DNAH10: variants seen among roughly 807,000 people sequenced by gnomAD.
DNAH10 encodes axonemal beta dynein heavy chain 10.
Under a neutral mutation model 506.6 loss-of-function variants are expected in DNAH10, and 348 were observed. The ratio of observed to expected loss-of-function variants is 0.69; its 90% confidence interval spans 0.63 to 0.75. DNAH10 has a LOEUF of 0.75. Ranked by LOEUF, DNAH10 falls within the 30% of genes least tolerant of loss-of-function variation. The probability of loss-of-function intolerance (pLI) is 0.00; values close to 1 mark genes in which losing one functional copy is unlikely to be tolerated. For missense variants in DNAH10, 5,179 were observed against 5,787.1 expected (o/e 0.89, Z 3.41); for synonymous variants, 2,059 against 2,198.6 (o/e 0.94, Z 1.78).
Position 123,762,476 on chromosome 12 carries a change from C to A in DNAH10, c.140C>A (p.Ala47Glu). The A allele has an allele frequency of 6.6e-7, 1 of 1,506,200 alleles. No individual in the cohort carries two copies. The allele number at this position is 1,506,200 out of a possible 1,614,324, so 93.3% of individuals were successfully genotyped here. Residue 47 changes from alanine (A) to glutamate (E), a missense_variant, in exon 1 of 79, where the codon GCG becomes GAG. By Grantham distance (107) the Ala-to-Glu change is moderately radical. Transcript: ENST00000673944. This position sits in a 1 kb window ranked among gnomAD's most constrained non-coding sequence, Gnocchi z 5.0. The part of the protein sequence containing the change: ...EDLILHFLNQ[A>E]SEEEGPSALF... ...CTCATCTTGCACTTCCTCAACCAGG[C>A]GAGCGAGGAGGAGGGGCCCTCGGCG...
intron 3 of DNAH10, among the ~76,000 whole-genome samples, chr12:123,772,596 G>C (rs1387463181): frequency 1.3e-5 from 2 of 152,194 alleles, no homozygotes; most frequent in Admixed American, 6.5e-5. Context: ...TGCCAGGTCA[G>C]TTTGTTTAGG....
chr12:123,905,689 A>G (rs1368311136), intron 57 of DNAH10, among the ~76,000 whole-genome samples: 2 of 150,482 alleles, frequency 1.3e-5, no homozygotes, highest in Non-Finnish European at 2.9e-5. Flanking sequence ...CTTTTCTGTG[A>G]ACTTGGTTTG....
chr12:123,869,538 C>T (rs567481471), intron 43 of DNAH10, among the ~76,000 whole-genome samples: 13 of 152,210 alleles, frequency 8.5e-5, no homozygotes, highest in Non-Finnish European at 1.2e-4. Context: ...CTGCCCTTTC[C>T]GCGCTCTCCG....
chr12:123,783,254 A>G lies in DNAH10; in HGVS notation c.989A>G (p.Lys330Arg), dbSNP rs1257024915. 2.5e-6 allele frequency: 4 copies of G among 1,613,998 alleles called. No individual in the cohort carries two copies. The highest frequency in any genetic ancestry group is 2.7e-5 in the African/African-American group (2 of 75,054). Reference sequence around the variant, plus strand: ...ACAGCGGTTGAGGCCCAACTGAAGAAGACACCTCAGGTAGTTTGTGCAGGG... The same window carrying G: ...ACAGCGGTTGAGGCCCAACTGAAGAGGACACCTCAGGTAGTTTGTGCAGGG... ...ISTAVEAQLK[K>R]TPQGKGPLAE... The change falls in exon 7 of 79, where the codon AAG (lysine) becomes AGG (arginine). Residue 330 changes from lysine to arginine, a missense_variant. Physicochemically the swap from Lys to Arg is conservative, Grantham distance 26 (BLOSUM62 2). This residue lies in a region of DNAH10 where 4,844 missense variants were observed against 5,430.5 expected (regional missense o/e 0.89). Transcript: ENST00000673944.
In DNAH10 at chr12:123,818,907, T is replaced by A. The variant is rs1959190479; in HGVS notation, c.3781-43T>A. 3.0e-6 allele frequency: 4 copies of A among 1,341,836 alleles called. No homozygotes were observed. The East Asian group carries it at 9.8e-5, about 33-fold the overall frequency. 83.1% of individuals were successfully genotyped at this position (1,341,836 alleles called of 1,614,324 possible). A position where few individuals can be genotyped will look rare whatever the true frequency, so the allele number is the denominator to read the frequency against. On this transcript the variant is annotated intron_variant, in intron 21 of 78. Coordinates refer to ENST00000673944, the MANE Select transcript of DNAH10 (RefSeq NM_001372106.1). The stretch of plus-strand genomic sequence containing the variant: ...ACCATCAATTTCAATTCCAAATTGC[T>A]CATCATTTGTTGTTTATTCTGTTTT...
At chr12:123,764,155 C>T (rs989199450) in intron 1 of DNAH10, among the ~76,000 whole-genome samples, 91 of 152,324 alleles carry the variant, frequency 6.0e-4, no homozygotes, top group African/African-American at 1.9e-3. Flanking sequence ...TGTGAACCAT[C>T]GCGCTTGGCC....
intron 50 of DNAH10, among the ~76,000 whole-genome samples, chr12:123,880,958 T>A (rs1418181246): frequency 6.6e-6 from 1 of 152,008 alleles, no homozygotes; most frequent in Admixed American, 6.6e-5. Flanking sequence ...GCTTCATCCA[T>A]GTCCCTACAA....
chr12:123,833,679 C>T (rs74356540), intron 27 of DNAH10, among the ~76,000 whole-genome samples: 15,386 of 152,204 alleles, frequency 0.1, 850 homozygotes, highest in Middle Eastern at 0.13. Flanking sequence ...TAGAAACATA[C>T]TTATTTTACA....
At chr12:123,821,003 A>G (rs1354462217) in intron 24 of DNAH10, among the ~76,000 whole-genome samples, 1 of 152,220 alleles carries the variant, frequency 6.6e-6, no homozygotes, top group Admixed American at 6.5e-5. Context: ...TAATCCCAGC[A>G]CTTTGGGAGG....
chr12:123,830,966 G>A (rs1347634836), intron 26 of DNAH10, among the ~76,000 whole-genome samples: 1 of 152,002 alleles, frequency 6.6e-6, no homozygotes, highest in Non-Finnish European at 1.5e-5. Flanking sequence ...AAACAAAAAA[G>A]AGAAAACATA....
intron 4 of DNAH10, among the ~76,000 whole-genome samples, chr12:123,773,173 T>C (rs1957322405): frequency 6.6e-6 from 1 of 152,254 alleles, no homozygotes; most frequent in African/African-American, 2.4e-5. Context: ...TGTCTGCACA[T>C]ATTTGGAGAA....
rs756604219 is a variant in DNAH10, at chr12:123,796,708, A to T, written c.2039A>T (p.Tyr680Phe). 1 of 1,613,984 alleles carries T rather than the reference A, an allele frequency of 6.2e-7. No individual in the cohort carries two copies. Among genetic ancestry groups the T allele is most frequent in the South Asian group, 1.1e-5 (1 of 91,004 alleles). The change falls in exon 13 of 79, where the codon TAT becomes TTT. Residue 680 changes from tyrosine to phenylalanine, a missense_variant. By Grantham distance (22) the Tyr-to-Phe change is conservative. Around this residue, in one of 3 missense-constraint regions of DNAH10, gnomAD observed 4,844 missense variants for 5,430.5 expected, o/e 0.89. Coordinates refer to ENST00000673944, the MANE Select transcript of DNAH10 (RefSeq NM_001372106.1). ...CAGAACCTTGAAAATCCACCACTGT[A>T]TAAGAATCACCCTCCAGTAGCAGGT... is the stretch of plus-strand genomic sequence containing the variant. ...FVQNLENPPLYKNHPPVAGAI... is the reference protein window; with the variant it reads ...FVQNLENPPLFKNHPPVAGAI...
At chr12:123,934,354 TGAGG>T in intron 77 of DNAH10, 1 of 661,524 alleles carries the variant, frequency 1.5e-6, no homozygotes, top group Non-Finnish European at 2.8e-6. Context: ...GCCCCAGGAA[TGAGG>T]ATTCCTGGGG....
intron 53 of DNAH10, among the ~76,000 whole-genome samples, chr12:123,894,129 C>T (rs374968108): frequency 6.8e-5 from 9 of 131,510 alleles, no homozygotes; most frequent in South Asian, 4.9e-4. Flanking sequence ...CTCGCTCTGT[C>T]GCCCAGATTA....
At chr12:123,877,266 G>C (rs1952294006) in intron 47 of DNAH10, among the ~76,000 whole-genome samples, 1 of 152,068 alleles carries the variant, frequency 6.6e-6, no homozygotes, top group Non-Finnish European at 1.5e-5. Flanking sequence ...ATGTTCTCAA[G>C]GGTCATCCGT....
chr12:123,819,197 C>T lies in DNAH10; in HGVS notation c.3947C>T (p.Ala1316Val). 1 of 1,613,532 alleles carries T rather than the reference C, an allele frequency of 6.2e-7. No individual in the cohort carries two copies. Among genetic ancestry groups the T allele is most frequent in the Non-Finnish European group, 8.5e-7 (1 of 1,179,770 alleles). Residue 1316 changes from alanine (A) to valine (V), a missense_variant, in exon 23 of 79, where the codon GCA (alanine) becomes GTA (valine). Ala to Val is a moderately conservative substitution (Grantham distance 64). Coordinates refer to ENST00000673944, the MANE Select transcript of DNAH10 (RefSeq NM_001372106.1). ...TACAGAGTTCAGATAGAGGAGTTTG[C>T]AAAGCGTTTTTACAGTGAAGGCCCT... ...MNYRVQIEEFAKRFYSEGPGS... is the reference protein window; with the variant it reads ...MNYRVQIEEFVKRFYSEGPGS...
At position 123,785,651 on chromosome 12, in the gene DNAH10, A is replaced by AG. The variant is rs1957820756; in HGVS notation, c.1231-95_1231-94insG. The AG allele has an allele frequency of 5.8e-6, 7 of 1,206,626 alleles. No individual in the cohort carries two copies. In the African/African-American group the frequency reaches 1.1e-4, roughly 18 times the overall value. The allele number at this position is 1,206,626 out of a possible 1,614,324, so 74.7% of individuals were successfully genotyped here. A position where few individuals can be genotyped will look rare whatever the true frequency, so the allele number is the denominator to read the frequency against. ...TGGTCTCAAGGAAAAAAAAAAAAAA[A>AG]AAAGAGTGAAACTTCTTGCATGCTT... On this transcript the variant is annotated intron_variant, in intron 8 of 78. Transcript: ENST00000673944. The surrounding 1 kb of genome is among the most constrained non-coding windows in gnomAD (Gnocchi z 4.1).
rs778100019 is a variant in DNAH10 at position 123,929,389 on chromosome 12, G to A, written c.12421G>A (p.Val4141Met). The change falls in exon 71 of 79, where the codon GTG (valine) becomes ATG (methionine). Residue 4141 changes from valine to methionine, a missense_variant. Coordinates refer to ENST00000673944, the MANE Select transcript of DNAH10 (RefSeq NM_001372106.1). ...CCCTGCCTTCAAGCCGCTGGTCTAC[G>A]TGCTGGCGTTCTTTCATGCTGTGGT... is the stretch of plus-strand genomic sequence containing the variant. Reference protein sequence around the residue: ...PHPAFKPLVYVLAFFHAVVQE... With the variant: ...PHPAFKPLVYMLAFFHAVVQE... The A allele has an allele frequency of 5.6e-6, 9 of 1,613,188 alleles. No homozygotes were observed. The highest frequency in any genetic ancestry group is 1.7e-5 in the Admixed American group (1 of 59,902).
chr12:123,838,977 A>G (rs1206885475), intron 29 of DNAH10, among the ~76,000 whole-genome samples: 1 of 152,068 alleles, frequency 6.6e-6, no homozygotes, highest in African/African-American at 2.4e-5. Context: ...ATGCCTGGCT[A>G]ATTTTTATAT....
Sources: gnomAD v4.1 joint callset for allele counts (sites outside exome capture counted in the v4.1 genomes callset) on GRCh38, gnomAD v4.1.1 for gene constraint, gnomAD v4.1.1 regional missense constraint, Gnocchi (gnomAD v3.1) non-coding constraint, MANE v1.5 for transcripts, NCBI Gene and HGNC (gene_info 2026-07-23, HGNC 2026-07-21) for gene names.